Variants in SDK1 observed in about 807,000 individuals in gnomAD.
SDK1 encodes the protein protein sidekick-1.
A neutral mutation model predicts 245.5 loss-of-function variants in SDK1; 157 were observed. The ratio of observed to expected loss-of-function variants is 0.64; its 90% confidence interval spans 0.56 to 0.73. SDK1 has a LOEUF of 0.73. SDK1 is among the 30% of genes least tolerant of loss of function. The probability of loss-of-function intolerance (pLI) is 0.00; values close to 1 mark genes in which losing one functional copy is unlikely to be tolerated. For synonymous variants in SDK1, 1,647 were observed against 1,278.5 expected (o/e 1.29, Z -6.15); for missense variants, 3,583 against 3,002.3 (o/e 1.19, Z -4.52).
chr7:4,110,566 G>C (rs1783272518), intron 22 of SDK1, 97 bp from the exon 23 acceptor site: 2 of 852,148 alleles, frequency 2.3e-6, no homozygotes, highest in East Asian at 5.0e-5. Flanking sequence ...TTGCAGCCCT[G>C]CCCAGCTCAC....
chr7:3,912,427 A>G (rs1779206209), intron 5 of SDK1, among the ~76,000 whole-genome samples: 1 of 152,246 alleles, frequency 6.6e-6, no homozygotes, highest in African/African-American at 2.4e-5. Context: ...AAGCAAGTAC[A>G]ACACCAGCGT....
intron 4 of SDK1, among the ~76,000 whole-genome samples, chr7:3,679,793 A>G (rs1209539846): frequency 1.3e-5 from 2 of 152,344 alleles, no homozygotes; most frequent in East Asian, 3.9e-4. Flanking sequence ...TCAGTCCTGT[A>G]TTGCTAGCTG....
intron 1 of SDK1, among the ~76,000 whole-genome samples, chr7:3,487,540 G>A (rs908754881): frequency 6.6e-6 from 1 of 151,876 alleles, no homozygotes; most frequent in Non-Finnish European, 1.5e-5. Context: ...CCAGGAGTTC[G>A]AGACCAGCTT....
rs939914 is a variant in SDK1 at position 3,383,528 on chromosome 7, G to C, written c.298+81644G>C. ...TTTGGCCTCCATGTAATCAGATTTTGTGCTTATTTGAGACACTTAAAAAGT... is the reference window on the plus strand; with the variant it reads ...TTTGGCCTCCATGTAATCAGATTTTCTGCTTATTTGAGACACTTAAAAAGT... On this transcript the variant is annotated intron_variant, in intron 1 of 44. Coordinates refer to ENST00000404826, the MANE Select transcript of SDK1 (RefSeq NM_152744.4). 4.6e-4 allele frequency among the ~76,000 whole-genome samples: 70 copies of C among 152,264 alleles called. 1 individual carries two copies. The East Asian group carries it at 0.011, about 23-fold the overall frequency.
chr7:3,905,354 A>G (rs1400594961), intron 5 of SDK1, among the ~76,000 whole-genome samples: 4 of 152,198 alleles, frequency 2.6e-5, no homozygotes, highest in Non-Finnish European at 5.9e-5. Flanking sequence ...TCATTCTTGA[A>G]TGATAGTCTG....
intron 40 of SDK1, among the ~76,000 whole-genome samples, chr7:4,225,004 AAAAAAAAAAAAAAG>A: frequency 7.4e-6 from 1 of 135,704 alleles, no homozygotes; most frequent in African/African-American, 3.0e-5. Context: ...AAAAAAAAAA[AAAAAAAAAAAAAAG>A]ACACCCGCAC....
intron 1 of SDK1, among the ~76,000 whole-genome samples, chr7:3,569,738 G>A (rs182253756): frequency 2.0e-5 from 3 of 152,272 alleles, no homozygotes; most frequent in Admixed American, 6.5e-5. Flanking sequence ...TTTTTTTAAG[G>A]CTCATCTTAC....
chr7:4,046,438 G>T (rs566635641), intron 17 of SDK1, among the ~76,000 whole-genome samples: 2 of 152,072 alleles, frequency 1.3e-5, no homozygotes, highest in Admixed American at 1.3e-4. Flanking sequence ...ATAATTATAG[G>T]TTTACATTTA....
intron 30 of SDK1, among the ~76,000 whole-genome samples, chr7:4,154,216 G>T (rs1377762343): frequency 6.6e-6 from 1 of 152,208 alleles, no homozygotes; most frequent in Non-Finnish European, 1.5e-5. Context: ...TGGAGGTCAA[G>T]TTTGTGTATG....
intron 14 of SDK1, among the ~76,000 whole-genome samples, chr7:4,006,734 T>C (rs998076485): frequency 2.0e-5 from 3 of 152,180 alleles, no homozygotes; most frequent in Admixed American, 6.5e-5. Flanking sequence ...AGAATTCCTA[T>C]AGCTGCAGCA....
At position 4,175,810 on chromosome 7, in the gene SDK1, A is replaced by C. The variant is rs780297176; in HGVS notation, c.4972A>C (p.Thr1658Pro). 6.2e-7 allele frequency: 1 copy of C among 1,613,836 alleles called. No individual in the cohort carries two copies. The highest frequency in any genetic ancestry group is 8.5e-7 in the Non-Finnish European group (1 of 1,180,010). The stretch of plus-strand genomic sequence containing the variant: ...CTTCAAGACGGTGAACAGCAGCTCC[A>C]CATCGACGATGTGTGAACTAACACG... Reference protein sequence around the residue: ...SSFKTVNSSSTSTMCELTHLK... With the variant: ...SSFKTVNSSSPSTMCELTHLK... Residue 1658 changes from threonine (T) to proline (P), a missense_variant, in exon 34 of 45, where the codon ACA becomes CCA. Thr to Pro is a conservative substitution (Grantham distance 38, BLOSUM62 -1). Coordinates refer to ENST00000404826, the MANE Select transcript of SDK1 (RefSeq NM_152744.4).
At chr7:4,124,009 G>A (rs1463850735) in intron 25 of SDK1, among the ~76,000 whole-genome samples, 1 of 152,222 alleles carries the variant, frequency 6.6e-6, no homozygotes, top group African/African-American at 2.4e-5. Context: ...GGGTTGCGGT[G>A]AGGCCACTGA....
At chr7:4,245,568 G>A (rs1306839307) in intron 43 of SDK1, 108 bp from the exon 44 acceptor site, 54 of 1,314,054 alleles carry the variant, frequency 4.1e-5, no homozygotes, top group Non-Finnish European at 5.6e-5. Context: ...AAAGGCTGTG[G>A]GTTTCCTCTT....
At chr7:3,346,680 GGTGTGTGTGTGTATGTGTGTTT>G (rs1780506988) in intron 1 of SDK1, among the ~76,000 whole-genome samples, 3 of 127,620 alleles carry the variant, frequency 2.4e-5, no homozygotes, top group Non-Finnish European at 5.0e-5. Flanking sequence ...TTTTTTTTTT[GGTGTGTGTGTGTATGTGTGTTT>G]GTGTGTGTGT....
chr7:3,467,396 A>T (rs1234211620), intron 1 of SDK1, among the ~76,000 whole-genome samples: 1 of 152,074 alleles, frequency 6.6e-6, no homozygotes, highest in Non-Finnish European at 1.5e-5. Flanking sequence ...TACTTTTGGT[A>T]TATGTAGAAA....
chr7:3,680,022 C>A (rs1047220219), intron 4 of SDK1, among the ~76,000 whole-genome samples: 1 of 147,868 alleles, frequency 6.8e-6, no homozygotes, highest in Non-Finnish European at 1.5e-5. Context: ...GTAAAAAAAT[C>A]AGAAACCACT....
At chr7:3,854,461 C>G (rs1275490373) in intron 5 of SDK1, among the ~76,000 whole-genome samples, 1 of 152,174 alleles carries the variant, frequency 6.6e-6, no homozygotes. Flanking sequence ...TACCTGAAAT[C>G]TCAATACTAA....
chr7:3,608,466 A>G (rs1238992943), intron 1 of SDK1, among the ~76,000 whole-genome samples: 8 of 152,220 alleles, frequency 5.3e-5, no homozygotes, highest in East Asian at 3.8e-4. Flanking sequence ...TGTTGCATCA[A>G]TGAAAACAAC....
At chr7:3,694,490 T>C (rs1377550544) in intron 4 of SDK1, among the ~76,000 whole-genome samples, 1 of 152,072 alleles carries the variant, frequency 6.6e-6, no homozygotes, top group African/African-American at 2.4e-5. Context: ...GGATTCCAGG[T>C]AGTGAAATTA....
Sources: gnomAD v4.1 joint callset for allele counts (sites outside exome capture counted in the v4.1 genomes callset) on GRCh38, gnomAD v4.1.1 for gene constraint, MANE v1.5 for transcripts, NCBI Gene and HGNC (gene_info 2026-07-23, HGNC 2026-07-21) for gene names.